The following BCAP29 variants were observed in gnomAD, a reference collection of about 807,000 sequenced individuals.
The protein encoded by BCAP29 is B cell receptor associated protein 29, also known as B-cell receptor-associated protein 29.
BCAP29 carries 34 observed loss-of-function variants against 31.8 expected under a neutral mutation model. The observed-to-expected ratio is 1.07, with a 90% CI of 0.81 to 1.42. BCAP29 has a LOEUF of 1.42. BCAP29 is among the 40% of genes most tolerant of loss of function. The pLI, the probability that BCAP29 is intolerant of heterozygous loss-of-function variation, is 0.00. For synonymous variants in BCAP29, 104 were observed against 91.3 expected (o/e 1.14, Z -0.79); for missense variants, 314 against 269.2 (o/e 1.17, Z -1.16).
At chr7:107,595,549 T>C (rs745691072) in intron 4 of BCAP29, among the ~76,000 whole-genome samples, 1 of 152,186 alleles carries the variant, frequency 6.6e-6, no homozygotes, top group Non-Finnish European at 1.5e-5. Context: ...AAAAAAATAA[T>C]TCTCCTACTG....
intron 3 of BCAP29, among the ~76,000 whole-genome samples, chr7:107,592,778 A>G (rs1809115591): frequency 6.6e-6 from 1 of 152,260 alleles, no homozygotes; most frequent in Non-Finnish European, 1.5e-5. Context: ...GACACATACT[A>G]CAGTGCAGAC....
At chr7:107,608,425 C>T (rs1812549588) in intron 6 of BCAP29, among the ~76,000 whole-genome samples, 1 of 152,140 alleles carries the variant, frequency 6.6e-6, no homozygotes, top group Non-Finnish European at 1.5e-5. Context: ...TCATTTGGCT[C>T]CTGTGTCCCT....
downstream of BCAP29, chr7:107,623,025 G>A (rs1225180831): frequency 1.3e-5 from 2 of 152,060 alleles, no homozygotes; most frequent in Non-Finnish European, 2.9e-5. Flanking sequence ...TGTCATGTGG[G>A]GCCAGTTTCT....
Position 107,618,666 on chromosome 7 carries a change from G to T in BCAP29, c.*303G>T. Reference sequence around the variant, plus strand: ...AAAGGAAAAAATTCATTAACCGGTTGCTTCCAAAATTAGAAGTTTTAAGTT... The same window carrying T: ...AAAGGAAAAAATTCATTAACCGGTTTCTTCCAAAATTAGAAGTTTTAAGTT... On this transcript the variant is annotated 3_prime_UTR_variant, in exon 8 of 8. Coordinates refer to ENST00000005259, the MANE Select transcript of BCAP29 (RefSeq NM_018844.4). 7.5e-7 allele frequency: 1 copy of T among 1,324,690 alleles called. No individual in the cohort carries two copies. Among genetic ancestry groups the T allele is most frequent in the East Asian group, 2.3e-5 (1 of 42,636 alleles). The allele number at this position is 1,324,690 out of a possible 1,614,324, so 82.1% of individuals were successfully genotyped here.
chr7:107,582,252 C>A (rs550620173), intron 2 of BCAP29, among the ~76,000 whole-genome samples: 16 of 152,196 alleles, frequency 1.1e-4, no homozygotes, highest in African/African-American at 3.9e-4. Flanking sequence ...TATTTTTCTT[C>A]CTGCCAAATA....
chr7:107,599,892 G>T (rs1810841837), intron 5 of BCAP29, among the ~76,000 whole-genome samples: 1 of 152,084 alleles, frequency 6.6e-6, no homozygotes, highest in Non-Finnish European at 1.5e-5. Context: ...ACTATTCAAT[G>T]AAAATTAGAA....
intron 7 of BCAP29, chr7:107,615,157 GT>G: frequency 2.2e-6 from 1 of 453,204 alleles, no homozygotes; most frequent in African/African-American, 2.0e-5. Flanking sequence ...ATTGTTGAAT[GT>G]CTCCATTGTG....
chr7:107,595,347 A>G (rs1809622872), intron 4 of BCAP29, among the ~76,000 whole-genome samples: 1 of 152,236 alleles, frequency 6.6e-6, no homozygotes, highest in African/African-American at 2.4e-5. Flanking sequence ...CTGTGTCTGC[A>G]GTGCCTGGCA....
At chr7:107,608,230 C>G (rs139912849) in intron 6 of BCAP29, among the ~76,000 whole-genome samples, 1 of 151,810 alleles carries the variant, frequency 6.6e-6, no homozygotes, top group Non-Finnish European at 1.5e-5. Context: ...AGGGAAGTTA[C>G]GCTCAACCTC....
At chr7:107,608,503 C>T (rs1175941762) in intron 6 of BCAP29, among the ~76,000 whole-genome samples, 1 of 151,938 alleles carries the variant, frequency 6.6e-6, no homozygotes, top group Non-Finnish European at 1.5e-5. Context: ...TTTTGGAGCA[C>T]TTCCTTACTT....
chr7:107,602,162 A>G lies in BCAP29; in HGVS notation c.589+1657A>G, dbSNP rs144389435. Among the ~76,000 whole-genome samples, 281 of 152,306 alleles carry G rather than the reference A, an allele frequency of 1.8e-3. 2 individuals carry two copies. The highest frequency in any genetic ancestry group is 6.4e-3 in the African/African-American group (268 of 41,576). The stretch of plus-strand genomic sequence containing the variant: ...GACTGCAGAGCTACTTTCAAAGTGA[A>G]TTAGTGTTCAGGTAAAGGCAGATTT... On this transcript the variant is annotated intron_variant, in intron 6 of 7. Transcript: ENST00000005259.
chr7:107,600,279 G>T lies in BCAP29; in HGVS notation c.481-118G>T, dbSNP rs181262943. 246 of 703,766 alleles carry T rather than the reference G, an allele frequency of 3.5e-4. 1 individual carries two copies. The African/African-American group carries it at 3.8e-3, about 11-fold the overall frequency. 43.6% of individuals were successfully genotyped at this position (703,766 alleles called of 1,614,324 possible). ...GTAGAAAACTATAAAATTCTGAAAAGGACAAAGAATAAATTATAAACAGGT... is the reference window on the plus strand; with the variant it reads ...GTAGAAAACTATAAAATTCTGAAAATGACAAAGAATAAATTATAAACAGGT... On this transcript the variant is annotated intron_variant, in intron 5 of 7. Transcript: ENST00000005259.
At chr7:107,601,963 T>C (rs1271420289) in intron 6 of BCAP29, among the ~76,000 whole-genome samples, 1 of 152,218 alleles carries the variant, frequency 6.6e-6, no homozygotes, top group Non-Finnish European at 1.5e-5. Flanking sequence ...ATTCCAGCTC[T>C]GAGATATTTT....
At chr7:107,613,818 C>T in intron 7 of BCAP29, 3 of 997,344 alleles carry the variant, frequency 3.0e-6, no homozygotes, top group Non-Finnish European at 4.7e-6. Flanking sequence ...ACTCTTGTCT[C>T]AGTGTTTTAG....
chr7:107,580,527 A>G, intron 1 of BCAP29: 1 of 439,662 alleles, frequency 2.3e-6, no homozygotes, highest in Non-Finnish European at 4.0e-6. Flanking sequence ...AGCTGGCGGA[A>G]AAGGCAGTGG....
intron 6 of BCAP29, among the ~76,000 whole-genome samples, chr7:107,601,058 C>T (rs1256958510): frequency 6.6e-6 from 1 of 151,972 alleles, no homozygotes; most frequent in African/African-American, 2.4e-5. Flanking sequence ...AGCATCCCAA[C>T]TCCATTTTCC....
intron 6 of BCAP29, among the ~76,000 whole-genome samples, chr7:107,608,956 TCAGA>T (rs1343510742): frequency 3.3e-5 from 5 of 152,206 alleles, no homozygotes; most frequent in African/African-American, 9.6e-5. Context: ...TGCTAGGTAC[TCAGA>T]CAGATAAGAC....
In BCAP29 at chr7:107,613,419, A is replaced by G. The variant is rs764599359; in HGVS notation, c.677A>G (p.His226Arg). The G allele has an allele frequency of 4.9e-5, 78 of 1,606,300 alleles. No individual in the cohort carries two copies. Among genetic ancestry groups the G allele is most frequent in the Non-Finnish European group, 6.6e-5 (78 of 1,173,586 alleles). ...SKEYDQLLKE[H>R]SELQDRLERG... The stretch of plus-strand genomic sequence containing the variant: ...GAATATGATCAACTCCTGAAAGAAC[A>G]CTCTGAACTTCAGGTGGGTGTGACA... Residue 226 changes from histidine to arginine, a missense_variant, in exon 7 of 8, where the codon CAC (histidine) becomes CGC (arginine). His to Arg is a conservative substitution (Grantham distance 29). Coordinates refer to ENST00000005259, the MANE Select transcript of BCAP29 (RefSeq NM_018844.4).
chr7:107,593,618 A>G (rs911481103), intron 3 of BCAP29, among the ~76,000 whole-genome samples: 5 of 152,222 alleles, frequency 3.3e-5, no homozygotes, highest in Non-Finnish European at 1.5e-5. Flanking sequence ...GTCATTGTCA[A>G]TAGGCTGAAT....
Sources: gnomAD v4.1 joint callset for allele counts (sites outside exome capture counted in the v4.1 genomes callset) on GRCh38, gnomAD v4.1.1 for gene constraint, MANE v1.5 for transcripts, NCBI Gene and HGNC (gene_info 2026-07-23, HGNC 2026-07-21) for gene names.